Variants in PARD3 observed in about 807,000 individuals in gnomAD.
PARD3 encodes partitioning defective 3 homolog.
In PARD3, 75 loss-of-function variants were observed where a neutral mutation model predicts 155.4. The ratio of observed to expected loss-of-function variants is 0.48; its 90% confidence interval spans 0.40 to 0.58. The LOEUF is 0.58. Among genes scored for constraint, PARD3 ranks in the 20% least tolerant of loss-of-function variants. The probability of loss-of-function intolerance (pLI) is 0.00; values close to 1 mark genes in which losing one functional copy is unlikely to be tolerated. For missense variants in PARD3, 1,642 were observed against 1,721.7 expected, an observed-to-expected ratio of 0.95 and a Z score of 0.82; for synonymous variants, 576 against 610.5, an observed-to-expected ratio of 0.94 and a Z score of 0.83.
intron 2 of PARD3, among the ~76,000 whole-genome samples, chr10:34,655,002 T>C (rs1016290471): frequency 5.3e-5 from 8 of 151,978 alleles, no homozygotes; most frequent in African/African-American, 1.5e-4. Context: ...AAATCCTTTT[T>C]CTGAGTCCAA....
At position 34,111,442 on chromosome 10, in the gene PARD3, C is replaced by T. The variant is rs751148998; in HGVS notation, c.3789G>A (p.Arg1263=). 2.5e-6 allele frequency: 4 copies of T among 1,614,162 alleles called. No individual in the cohort carries two copies. Among genetic ancestry groups the T allele is most frequent in the South Asian group, 2.2e-5 (2 of 91,080 alleles). Residue 1263 remains arginine, a synonymous_variant, in exon 25 of 25, where the codon AGG becomes AGA. Coordinates refer to ENST00000374788, the MANE Select transcript of PARD3 (RefSeq NM_001184785.2). The part of the protein sequence containing the change: ...NPRYSSYQGS[R]NGYLGGHGFN... Reference sequence around the variant, plus strand: ...AGCCATGTCCTCCCAGGTAGCCGTTCCTGGAGCCTTGGTAGCTGGAGTACC... The same window carrying T: ...AGCCATGTCCTCCCAGGTAGCCGTTTCTGGAGCCTTGGTAGCTGGAGTACC...
chr10:34,752,967 T>C (rs1482934337), intron 1 of PARD3, among the ~76,000 whole-genome samples: 1 of 152,140 alleles, frequency 6.6e-6, no homozygotes, highest in Non-Finnish European at 1.5e-5. Flanking sequence ...TTTCTAAAAC[T>C]ACCTGTTTTT....
intron 2 of PARD3, among the ~76,000 whole-genome samples, chr10:34,673,744 G>A (rs147326324): frequency 2.0e-5 from 3 of 152,200 alleles, no homozygotes; most frequent in African/African-American, 4.8e-5. Flanking sequence ...ACAAACAAGA[G>A]ACAGAGAAGA....
At chr10:34,668,710 T>C (rs1251879291) in intron 2 of PARD3, among the ~76,000 whole-genome samples, 2 of 152,188 alleles carry the variant, frequency 1.3e-5, no homozygotes, top group Non-Finnish European at 2.9e-5. Context: ...CAGTGGCTCA[T>C]GCCTATAATC....
chr10:34,232,580 C>T (rs527381775), intron 22 of PARD3, among the ~76,000 whole-genome samples: 2 of 152,160 alleles, frequency 1.3e-5, no homozygotes, highest in Middle Eastern at 3.4e-3. Flanking sequence ...AAGTTCAACA[C>T]GAAAATCATA....
chr10:34,724,191 T>C (rs1386296365), intron 1 of PARD3, among the ~76,000 whole-genome samples: 6 of 152,202 alleles, frequency 3.9e-5, no homozygotes, highest in Non-Finnish European at 8.8e-5. Flanking sequence ...ATGAAATGCA[T>C]CCCATATTGT....
At chr10:34,718,733 T>C (rs12266819) in intron 1 of PARD3, among the ~76,000 whole-genome samples, 3,783 of 152,152 alleles carry the variant, frequency 0.025, 135 homozygotes, top group African/African-American at 0.085. Flanking sequence ...GAGGCCGAGG[T>C]AGGCGGATCA....
chr10:34,559,163 C>T (rs538301263), intron 2 of PARD3, among the ~76,000 whole-genome samples: 20 of 152,148 alleles, frequency 1.3e-4, no homozygotes, highest in Middle Eastern at 3.4e-3. Context: ...CCATACTCAG[C>T]CTTATATCTT....
chr10:34,180,317 T>C (rs1950215942), intron 22 of PARD3, among the ~76,000 whole-genome samples: 1 of 152,212 alleles, frequency 6.6e-6, no homozygotes. Context: ...AGTGTTGGGA[T>C]TACAGGCATG....
At chr10:34,721,346 G>T (rs757624887) in intron 1 of PARD3, among the ~76,000 whole-genome samples, 1 of 152,174 alleles carries the variant, frequency 6.6e-6, no homozygotes, top group African/African-American at 2.4e-5. Flanking sequence ...GTTGTGGAGC[G>T]AACAGGGCGT....
chr10:34,414,637 G>A (rs896342696), intron 5 of PARD3, among the ~76,000 whole-genome samples: 5 of 151,106 alleles, frequency 3.3e-5, no homozygotes, highest in East Asian at 3.9e-4. Flanking sequence ...GCAACACAGC[G>A]AGACCCAGTC....
At chr10:34,509,834 A>C (rs1166417063) in intron 3 of PARD3, among the ~76,000 whole-genome samples, 2 of 152,178 alleles carry the variant, frequency 1.3e-5, no homozygotes, top group Non-Finnish European at 2.9e-5. Context: ...TGAATCTTAC[A>C]ATTGATGTAC....
At chr10:34,563,635 ATTC>A (rs781206297) in intron 2 of PARD3, among the ~76,000 whole-genome samples, 74 of 151,118 alleles carry the variant, frequency 4.9e-4, no homozygotes, top group Non-Finnish European at 8.4e-4. Context: ...GGTTCAAGTG[ATTC>A]TTCTGCCTTA....
In PARD3 at chr10:34,470,286, C is replaced by T. The variant is rs181392578; in HGVS notation, c.404-23G>A. 9.9e-6 allele frequency: 15 copies of T among 1,519,642 alleles called. No homozygotes were observed. The East Asian group carries it at 2.9e-4, about 29-fold the overall frequency. The allele number at this position is 1,519,642 out of a possible 1,614,324, so 94.1% of individuals were successfully genotyped here. A position where few individuals can be genotyped will look rare whatever the true frequency, so the allele number is the denominator to read the frequency against. Reference sequence around the variant, plus strand: ...TATCTGTAAACACAAAAGCACTATGCTGAAAAATAAGATACTAATGTTGGT... The same window carrying T: ...TATCTGTAAACACAAAAGCACTATGTTGAAAAATAAGATACTAATGTTGGT... On this transcript the variant is annotated intron_variant, in intron 3 of 24. Coordinates refer to ENST00000374788, the MANE Select transcript of PARD3 (RefSeq NM_001184785.2).
At chr10:34,727,110 C>T (rs2094728093) in intron 1 of PARD3, among the ~76,000 whole-genome samples, 2 of 152,204 alleles carry the variant, frequency 1.3e-5, no homozygotes, top group South Asian at 4.1e-4. Flanking sequence ...TCCCTCTGCA[C>T]CCTGTGTGGT....
intron 22 of PARD3, among the ~76,000 whole-genome samples, chr10:34,188,279 C>A (rs1338770976): frequency 2.0e-5 from 3 of 152,156 alleles, no homozygotes; most frequent in Non-Finnish European, 4.4e-5. Context: ...TGAACACAGT[C>A]CTAAGTAAGC....
chr10:34,324,065 T>C (rs1177201127), intron 19 of PARD3, among the ~76,000 whole-genome samples: 1 of 152,240 alleles, frequency 6.6e-6, no homozygotes, highest in Non-Finnish European at 1.5e-5. Flanking sequence ...CAACGTCTGT[T>C]TGAACAACAT....
intron 3 of PARD3, among the ~76,000 whole-genome samples, chr10:34,484,718 A>G (rs1013704460): frequency 3.9e-5 from 6 of 152,214 alleles, no homozygotes; most frequent in African/African-American, 9.6e-5. Flanking sequence ...CTGCTGCTTC[A>G]TAAGTACACA....
chr10:34,579,456 G>T (rs568442856), intron 2 of PARD3, among the ~76,000 whole-genome samples: 3 of 151,898 alleles, frequency 2.0e-5, no homozygotes, highest in East Asian at 3.9e-4. Flanking sequence ...CCTCACTCAT[G>T]AATGGGCATT....
Sources: gnomAD v4.1 joint callset for allele counts (sites outside exome capture counted in the v4.1 genomes callset) on GRCh38, gnomAD v4.1.1 for gene constraint, MANE v1.5 for transcripts, NCBI Gene and HGNC (gene_info 2026-07-23, HGNC 2026-07-21) for gene names.